ZBTB38: variants seen among roughly 807,000 people sequenced by gnomAD.
The protein encoded by ZBTB38 is zinc finger and BTB domain-containing protein 38.
ZBTB38 carries 20 observed loss-of-function variants against 76.8 expected under a neutral mutation model. The observed-to-expected ratio is 0.26, with a 90% CI of 0.18 to 0.38. ZBTB38 has a LOEUF of 0.38. ZBTB38 is among the 10% of genes least tolerant of loss of function. The pLI, the probability that ZBTB38 is intolerant of heterozygous loss-of-function variation, is 1.00. For synonymous variants in ZBTB38, 504 were observed against 544.2 expected, an observed-to-expected ratio of 0.93 and a Z score of 1.03; for missense variants, 1,082 against 1,482.3, an observed-to-expected ratio of 0.73 and a Z score of 4.43.
chr3:141,385,683 C>T (rs77518859), intron 3 of ZBTB38, among the ~76,000 whole-genome samples: 6 of 141,960 alleles, frequency 4.2e-5, no homozygotes, highest in African/African-American at 8.2e-5. Flanking sequence ...TGTGTGTGCG[C>T]GTGTGTTGAT....
At chr3:141,398,952 C>G (rs1951025641) in intron 4 of ZBTB38, among the ~76,000 whole-genome samples, 1 of 151,884 alleles carries the variant, frequency 6.6e-6, no homozygotes, top group South Asian at 2.1e-4. Flanking sequence ...TTATAGGTTT[C>G]TCTCCTCTCT....
At chr3:141,393,084 A>T (rs1413989250) in intron 4 of ZBTB38, among the ~76,000 whole-genome samples, 1 of 152,060 alleles carries the variant, frequency 6.6e-6, no homozygotes, top group Non-Finnish European at 1.5e-5. Flanking sequence ...CTGTGGAGGG[A>T]GTTTGTTTTC....
At chr3:141,392,167 A>C (rs76983194) in intron 4 of ZBTB38, among the ~76,000 whole-genome samples, 10,327 of 152,206 alleles carry the variant, frequency 0.068, 640 homozygotes, top group East Asian at 0.27. Flanking sequence ...CTGGCATGTT[A>C]TACTTCGTTG....
Position 141,343,634 on chromosome 3 carries a change from C to A in ZBTB38, c.-739+19178C>A, listed in dbSNP as rs376447260. On this transcript the variant is annotated intron_variant, in intron 1 of 7. Transcript: ENST00000509842. ...ATCAATCCAGGATAATTATCCTCAGCCCCTGTTGGTTGAAGATACCAGGCA... is the reference window on the plus strand; with the variant it reads ...ATCAATCCAGGATAATTATCCTCAGACCCTGTTGGTTGAAGATACCAGGCA... Among the ~76,000 whole-genome samples, 363 of 152,282 alleles carry A rather than the reference C, an allele frequency of 2.4e-3. 4 individuals carry two copies. The highest frequency in any genetic ancestry group is 8.2e-3 in the African/African-American group (339 of 41,540).
At chr3:141,391,702 T>A (rs1194479360) in intron 4 of ZBTB38, among the ~76,000 whole-genome samples, 1 of 152,206 alleles carries the variant, frequency 6.6e-6, no homozygotes. Flanking sequence ...TCATAAGAAT[T>A]CTGGAATTTA....
intron 4 of ZBTB38, chr3:141,394,540 C>G (rs1949880714): frequency 6.6e-6 from 1 of 152,208 alleles, no homozygotes; most frequent in African/African-American, 2.4e-5. Context: ...AAAATACTTG[C>G]TGTACACTGC....
At chr3:141,436,221 T>C (rs1250894614) in intron 5 of ZBTB38, among the ~76,000 whole-genome samples, 1 of 152,232 alleles carries the variant, frequency 6.6e-6, no homozygotes, top group Non-Finnish European at 1.5e-5. Flanking sequence ...TGAGCTCTTT[T>C]AAAGTCTAAA....
At chr3:141,441,652 G>A (rs1012563739) in intron 5 of ZBTB38, among the ~76,000 whole-genome samples, 3 of 152,184 alleles carry the variant, frequency 2.0e-5, no homozygotes, top group African/African-American at 7.2e-5. Context: ...TTCAGTTCTT[G>A]CTTCTTCTCT....
chr3:141,395,919 T>C (rs1254604780), intron 4 of ZBTB38, among the ~76,000 whole-genome samples: 1 of 152,238 alleles, frequency 6.6e-6, no homozygotes, highest in African/African-American at 2.4e-5. Flanking sequence ...AGTTTAAAAA[T>C]AATTTGTTGC....
chr3:141,428,572 T>C (rs7650602), intron 5 of ZBTB38, among the ~76,000 whole-genome samples: 76,091 of 151,930 alleles, frequency 0.5, 20,310 homozygotes, highest in African/African-American at 0.69. Flanking sequence ...ACTGCAACCT[T>C]CACCTCCGGG....
At chr3:141,435,759 G>GAA (rs200993127) in intron 5 of ZBTB38, among the ~76,000 whole-genome samples, 5 of 125,774 alleles carry the variant, frequency 4.0e-5, no homozygotes, top group Admixed American at 8.0e-5. Flanking sequence ...GACTGCCTCA[G>GAA]AAAAAAAAAA....
rs79958974 is a variant in ZBTB38 at position 141,362,426 on chromosome 3, T to C, written c.-738-6195T>C. On this transcript the variant is annotated intron_variant, in intron 1 of 7. Transcript: ENST00000509842. ...CATCATTAACATAAAATAGATAACA[T>C]AAAATATAGATAGCATAAAATGACC... Among the ~76,000 whole-genome samples the C allele has an allele frequency of 6.5e-3, 984 of 152,126 alleles. 12 individuals are homozygous for C. The highest frequency in any genetic ancestry group is 0.014 in the Middle Eastern group (4 of 294).
chr3:141,392,226 C>T (rs1011498701), intron 4 of ZBTB38, among the ~76,000 whole-genome samples: 4 of 152,200 alleles, frequency 2.6e-5, no homozygotes, highest in East Asian at 1.9e-4. Flanking sequence ...CAAGCTTGTT[C>T]GGTTCCTTTG....
chr3:141,444,160 A>C lies in ZBTB38; in HGVS notation c.1772A>C (p.Glu591Ala). ...YRNSSYENAR[E>A]NSQMNESAPG... ...AATTCTTCCTATGAAAATGCACGAG[A>C]AAACAGTCAAATGAATGAGTCTGCA... is the stretch of plus-strand genomic sequence containing the variant. Residue 591 changes from glutamate (E) to alanine (A), a missense_variant, in exon 6 of 6, where the codon GAA becomes GCA. Coordinates refer to ENST00000321464, the MANE Select transcript of ZBTB38 (RefSeq NM_001376113.1). This position sits in a 1 kb window ranked among gnomAD's most constrained non-coding sequence, Gnocchi z 5.1. 2 of 1,614,090 alleles carry C rather than the reference A, an allele frequency of 1.2e-6. No individual in the cohort carries two copies. The highest frequency in any genetic ancestry group is 1.7e-6 in the Non-Finnish European group (2 of 1,179,962).
At chr3:141,330,878 C>T (rs1284195823) in intron 1 of ZBTB38, among the ~76,000 whole-genome samples, 2 of 152,184 alleles carry the variant, frequency 1.3e-5, no homozygotes, top group African/African-American at 4.8e-5. Context: ...AGAGTCCCCA[C>T]CAGCAAGAAG....
intron 1 of ZBTB38, among the ~76,000 whole-genome samples, chr3:141,335,611 G>T (rs552003996): frequency 1.3e-5 from 2 of 152,330 alleles, no homozygotes; most frequent in South Asian, 4.1e-4. Context: ...ACAGGCACAG[G>T]CCTTCCGTGG....
chr3:141,405,859 C>A (rs947758749), intron 5 of ZBTB38: 1 of 152,192 alleles, frequency 6.6e-6, no homozygotes, highest in Admixed American at 6.5e-5. Context: ...GAAATAACCA[C>A]GTGATAAATG....
intron 4 of ZBTB38, among the ~76,000 whole-genome samples, chr3:141,402,639 G>A (rs1952581908): frequency 6.6e-6 from 1 of 151,744 alleles, no homozygotes; most frequent in Admixed American, 6.6e-5. Context: ...CTGCCCGCGG[G>A]GAGGAAGCGC....
intron 1 of ZBTB38, among the ~76,000 whole-genome samples, chr3:141,342,027 G>A (rs1278052439): frequency 6.6e-6 from 1 of 152,106 alleles, no homozygotes; most frequent in Non-Finnish European, 1.5e-5. Flanking sequence ...ATGAAACAAG[G>A]CAAAATAGTA....
Sources: allele counts gnomAD v4.1 joint callset (sites outside exome capture counted in the v4.1 genomes callset), GRCh38; gene constraint gnomAD v4.1.1; non-coding constraint Gnocchi (gnomAD v3.1); transcripts MANE v1.5; gene names NCBI Gene and HGNC (gene_info 2026-07-23, HGNC 2026-07-21).